HS3ST3A1: variants seen among roughly 807,000 people sequenced by gnomAD.
HS3ST3A1 encodes heparan sulfate-glucosamine 3-sulfotransferase 3A1, also known as heparan sulfate glucosamine 3-O-sulfotransferase 3A1.
Under a neutral mutation model 25.7 loss-of-function variants are expected in HS3ST3A1, and 19 were observed. The observed-to-expected ratio is 0.74, with a 90% CI of 0.52 to 1.08. The LOEUF is 1.08. Ranked by LOEUF, HS3ST3A1 falls within the 50% of genes least tolerant of loss-of-function variation. The probability of loss-of-function intolerance (pLI) is 0.00; values close to 1 mark genes in which losing one functional copy is unlikely to be tolerated. For missense variants in HS3ST3A1, 459 were observed against 594.3 expected (o/e 0.77, Z 2.37); for synonymous variants, 226 against 278.6 (o/e 0.81, Z 1.88).
chr17:13,572,726 CGG>C (rs1278280709), intron 1 of HS3ST3A1, among the ~76,000 whole-genome samples: 1 of 152,134 alleles, frequency 6.6e-6, no homozygotes, highest in African/African-American at 2.4e-5. Context: ...ATTAAGTAGA[CGG>C]GGAATTCAAC....
At chr17:13,538,754 G>C (rs2142341157) in intron 1 of HS3ST3A1, among the ~76,000 whole-genome samples, 1 of 152,160 alleles carries the variant, frequency 6.6e-6, no homozygotes, top group South Asian at 2.1e-4. Context: ...AAGATTTGGG[G>C]TAAAATCAGG....
Position 13,574,555 on chromosome 17 carries a change from A to G in HS3ST3A1, c.599+25976T>C, listed in dbSNP as rs368025002. 3.3e-5 allele frequency among the ~76,000 whole-genome samples: 5 copies of G among 151,884 alleles called. No homozygotes were observed. The East Asian group carries it at 1.0e-3, about 31-fold the overall frequency. ...AACACGGTGAAACCCCATCTCTACT[A>G]AAAGTACAAAAAATTAGCGGGACAT... On this transcript the variant is annotated intron_variant, in intron 1 of 1. Transcript: ENST00000284110.
chr17:13,540,429 G>T (rs1202408820), intron 1 of HS3ST3A1, among the ~76,000 whole-genome samples: 1 of 152,142 alleles, frequency 6.6e-6, no homozygotes, highest in Non-Finnish European at 1.5e-5. Context: ...TGCCTCATTT[G>T]ATATCAATTT....
chr17:13,585,634 C>T (rs1354000683), intron 1 of HS3ST3A1, among the ~76,000 whole-genome samples: 1 of 151,786 alleles, frequency 6.6e-6, no homozygotes, highest in Non-Finnish European at 1.5e-5. Context: ...TAGAAATAAG[C>T]ACCAGTAGGA....
intron 1 of HS3ST3A1, among the ~76,000 whole-genome samples, chr17:13,589,706 T>C (rs1908369550): frequency 6.6e-6 from 1 of 152,152 alleles, no homozygotes; most frequent in African/African-American, 2.4e-5. Flanking sequence ...CAAGTTTCTG[T>C]TTACTTTGTT....
intron 1 of HS3ST3A1, among the ~76,000 whole-genome samples, chr17:13,515,082 T>C (rs1464808491): frequency 2.0e-5 from 3 of 152,242 alleles, no homozygotes; most frequent in African/African-American, 4.8e-5. Flanking sequence ...AATTCTTCAA[T>C]GTATTTGGAA....
At chr17:13,554,567 C>T (rs577460526) in intron 1 of HS3ST3A1, among the ~76,000 whole-genome samples, 13 of 152,302 alleles carry the variant, frequency 8.5e-5, no homozygotes, top group African/African-American at 3.1e-4. Flanking sequence ...TCAGTGCAAA[C>T]CCCTGAGGGG....
intron 1 of HS3ST3A1, among the ~76,000 whole-genome samples, chr17:13,515,471 G>GTTTTTTTTTTTTTTTTTTTTTTTT (rs33924561): frequency 9.3e-6 from 1 of 107,794 alleles, no homozygotes; most frequent in Non-Finnish European, 1.8e-5. Context: ...GTTTGTTTCA[G>GTTTTTTTTTTTTTTTTTTTTTTTT]TTTTTTTTTT....
intron 1 of HS3ST3A1, among the ~76,000 whole-genome samples, chr17:13,578,226 T>C (rs1486881470): frequency 6.6e-6 from 1 of 151,884 alleles, no homozygotes; most frequent in African/African-American, 2.4e-5. Context: ...TGCAATCTTT[T>C]AAAAAATGCT....
At chr17:13,512,622 C>T (rs576355231) in intron 1 of HS3ST3A1, among the ~76,000 whole-genome samples, 1 of 152,214 alleles carries the variant, frequency 6.6e-6, no homozygotes, top group African/African-American at 2.4e-5. Context: ...GATCACGTGG[C>T]CTGCAAAATA....
intron 1 of HS3ST3A1, among the ~76,000 whole-genome samples, chr17:13,562,944 G>A (rs905038597): frequency 6.6e-6 from 1 of 151,966 alleles, no homozygotes; most frequent in Admixed American, 6.6e-5. Context: ...GTCAGGACCC[G>A]ATACAGAGCC....
In HS3ST3A1 at chr17:13,557,055, A is replaced by G. The variant is rs539094779; in HGVS notation, c.599+43476T>C. Among the ~76,000 whole-genome samples the G allele has an allele frequency of 7.2e-5, 11 of 152,326 alleles. No homozygotes were observed. The South Asian group carries it at 2.3e-3, about 32-fold the overall frequency. ...CACAGAGATGGCTTAGCTCACCCAA[A>G]TTAAAACAAATGAGAACAACAAACT... On this transcript the variant is annotated intron_variant, in intron 1 of 1. Transcript: ENST00000284110.
chr17:13,495,977 T>C lies in HS3ST3A1; in HGVS notation c.*220A>G. Reference sequence around the variant, plus strand: ...AGAACATAAAATAAAAACTGAAAATTGAAAGTGTTTAGACGAGTGAAATTT... The same window carrying C: ...AGAACATAAAATAAAAACTGAAAATCGAAAGTGTTTAGACGAGTGAAATTT... On this transcript the variant is annotated 3_prime_UTR_variant, in exon 2 of 2. Coordinates refer to ENST00000284110, the MANE Select transcript of HS3ST3A1 (RefSeq NM_006042.3). The C allele has an allele frequency of 2.0e-6, 1 of 495,852 alleles. No homozygotes were observed. Among genetic ancestry groups the C allele is most frequent in the South Asian group, 4.7e-5 (1 of 21,198 alleles). 30.7% of individuals were successfully genotyped at this position (495,852 alleles called of 1,614,324 possible).
At chr17:13,532,366 G>T (rs1906629491) in intron 1 of HS3ST3A1, among the ~76,000 whole-genome samples, 1 of 152,204 alleles carries the variant, frequency 6.6e-6, no homozygotes, top group Non-Finnish European at 1.5e-5. Context: ...ACCAGGGGCT[G>T]ACCAGGAGAA....
chr17:13,542,164 T>C (rs1906953143), intron 1 of HS3ST3A1, among the ~76,000 whole-genome samples: 2 of 151,570 alleles, frequency 1.3e-5, no homozygotes, highest in Admixed American at 6.6e-5. Flanking sequence ...TGCATCCCTA[T>C]AAAAAATACA....
intron 1 of HS3ST3A1, among the ~76,000 whole-genome samples, chr17:13,510,164 G>A (rs1220633571): frequency 2.0e-5 from 3 of 152,246 alleles, no homozygotes; most frequent in Non-Finnish European, 4.4e-5. Flanking sequence ...TCCTGGCTCT[G>A]TGGTGGCTGC....
chr17:13,567,959 G>A (rs374795911), intron 1 of HS3ST3A1, among the ~76,000 whole-genome samples: 1 of 152,226 alleles, frequency 6.6e-6, no homozygotes, highest in African/African-American at 2.4e-5. Flanking sequence ...TTTAAAGGAA[G>A]TTCGACTGGA....
chr17:13,548,865 A>G (rs879105848), intron 1 of HS3ST3A1, among the ~76,000 whole-genome samples: 1 of 152,152 alleles, frequency 6.6e-6, no homozygotes, highest in South Asian at 2.1e-4. Flanking sequence ...AAATGCACCA[A>G]TCAGCACTCT....
chr17:13,567,165 T>C (rs1446748719), intron 1 of HS3ST3A1, among the ~76,000 whole-genome samples: 1 of 152,242 alleles, frequency 6.6e-6, no homozygotes, highest in African/African-American at 2.4e-5. Context: ...CCTTACAATT[T>C]ATGCTAAGCC....
Sources: gnomAD v4.1 joint callset for allele counts (sites outside exome capture counted in the v4.1 genomes callset) on GRCh38, gnomAD v4.1.1 for gene constraint, MANE v1.5 for transcripts, NCBI Gene and HGNC (gene_info 2026-07-23, HGNC 2026-07-21) for gene names.